CNTN6: variants seen among roughly 807,000 people sequenced by gnomAD.
The protein encoded by CNTN6 is contactin-6.
CNTN6 carries 137 observed loss-of-function variants against 122.8 expected under a neutral mutation model. The observed-to-expected ratio is 1.12, with a 90% CI of 0.97 to 1.29. CNTN6 has a LOEUF of 1.29. CNTN6 is among the 50% of genes most tolerant of loss of function. CNTN6 has a pLI of 0.00. For missense variants in CNTN6, 1,634 were observed against 1,223.4 expected (o/e 1.34, Z -5.01); for synonymous variants, 570 against 426.0 (o/e 1.34, Z -4.16).
rs192597863 is a variant in CNTN6 at position 1,303,814 on chromosome 3, G to C, written c.761+5823G>C. 1.5e-4 allele frequency among the ~76,000 whole-genome samples: 23 copies of C among 152,196 alleles called. No homozygotes were observed. In the East Asian group the frequency reaches 3.3e-3, roughly 22 times the overall value. On this transcript the variant is annotated intron_variant, in intron 7 of 22. Transcript: ENST00000446702. ...AAGCTTTTTGAACTTTATTTTGATA[G>C]GCAGTTGTTATACTACTGTGAATCC...
intron 11 of CNTN6, among the ~76,000 whole-genome samples, chr3:1,331,431 G>C (rs1702275928): frequency 6.6e-6 from 1 of 151,936 alleles, no homozygotes; most frequent in African/African-American, 2.4e-5. Flanking sequence ...CATAGGAACA[G>C]GTGCTTCAGA....
At chr3:1,268,133 G>T (rs1310004500) in intron 4 of CNTN6, among the ~76,000 whole-genome samples, 4 of 152,186 alleles carry the variant, frequency 2.6e-5, no homozygotes, top group Admixed American at 2.6e-4. Context: ...ATGAACATTT[G>T]CCAAAAGGCA....
At position 1,103,400 on chromosome 3, in the gene CNTN6, T is replaced by C. The variant is rs949726023; in HGVS notation, c.-83+10280T>C. Among the ~76,000 whole-genome samples, 6 of 152,306 alleles carry C rather than the reference T, an allele frequency of 3.9e-5. No homozygotes were observed. The East Asian group carries it at 1.2e-3, about 29-fold the overall frequency. On this transcript the variant is annotated intron_variant, in intron 1 of 22. Coordinates refer to ENST00000446702, the MANE Select transcript of CNTN6 (RefSeq NM_001289080.2). ...ATAATTTTTTCAGAGTTGCCGACTT[T>C]CCTTTTTTGTTGTCCCTTTGTGCAG...
At chr3:1,098,855 T>C (rs2090699053) in intron 1 of CNTN6, among the ~76,000 whole-genome samples, 1 of 143,266 alleles carries the variant, frequency 7.0e-6, no homozygotes, top group Admixed American at 7.4e-5. Flanking sequence ...GGATTAAATT[T>C]AATAATGACC....
intron 4 of CNTN6, among the ~76,000 whole-genome samples, chr3:1,233,503 A>G (rs933637064): frequency 2.6e-5 from 4 of 152,076 alleles, no homozygotes; most frequent in African/African-American, 9.7e-5. Flanking sequence ...TGGGAGGCCG[A>G]GGCGGGCGGA....
At chr3:1,332,136 C>T (rs532223461) in intron 11 of CNTN6, among the ~76,000 whole-genome samples, 1 of 152,048 alleles carries the variant, frequency 6.6e-6, no homozygotes, top group East Asian at 1.9e-4. Context: ...CAAATTATCT[C>T]CTTACTGTGC....
intron 4 of CNTN6, among the ~76,000 whole-genome samples, chr3:1,264,551 T>C (rs1233455885): frequency 1.3e-5 from 2 of 152,040 alleles, no homozygotes; most frequent in Non-Finnish European, 2.9e-5. Flanking sequence ...GCTTCATCTG[T>C]ATTTTTAAAA....
At chr3:1,395,469 C>A (rs140316592) in intron 20 of CNTN6, among the ~76,000 whole-genome samples, 2,099 of 152,016 alleles carry the variant, frequency 0.014, 35 homozygotes, top group Non-Finnish European at 0.016. Context: ...GGTTTGTGAC[C>A]CCTTCCTCCA....
chr3:1,213,235 T>G (rs960884997), intron 2 of CNTN6, among the ~76,000 whole-genome samples: 12 of 152,222 alleles, frequency 7.9e-5, no homozygotes, highest in Non-Finnish European at 1.3e-4. Flanking sequence ...TGAGTGAAAG[T>G]AAAGGAAAGC....
At chr3:1,257,735 C>A (rs991840138) in intron 4 of CNTN6, among the ~76,000 whole-genome samples, 1 of 152,170 alleles carries the variant, frequency 6.6e-6, no homozygotes, top group African/African-American at 2.4e-5. Flanking sequence ...AGAACACTAG[C>A]TGGTGAGAGC....
At chr3:1,270,991 C>G (rs186768662) in intron 4 of CNTN6, among the ~76,000 whole-genome samples, 1 of 152,154 alleles carries the variant, frequency 6.6e-6, no homozygotes, top group Admixed American at 6.5e-5. Context: ...CTCACTGCAA[C>G]CTCTGCTTCC....
chr3:1,119,323 G>GTGTGTGTGTGTGTGTGTGTA (rs926976709), intron 1 of CNTN6, among the ~76,000 whole-genome samples: 2 of 4,072 alleles, frequency 4.9e-4, no homozygotes, highest in Non-Finnish European at 8.1e-4. Context: ...CAGAAAAATC[G>GTGTGTGTGTGTGTGTGTGTA]TGTGTGTGTG....
intron 8 of CNTN6, among the ~76,000 whole-genome samples, chr3:1,325,227 A>G (rs1701367198): frequency 6.6e-6 from 1 of 151,886 alleles, no homozygotes; most frequent in East Asian, 1.9e-4. Context: ...ACCCAGAATT[A>G]AAGTAAGATA....
chr3:1,311,257 G>A (rs1399784269), intron 7 of CNTN6, among the ~76,000 whole-genome samples: 1 of 143,338 alleles, frequency 7.0e-6, no homozygotes, highest in South Asian at 2.2e-4. Flanking sequence ...ATATATATTT[G>A]TATATGTGTA....
At chr3:1,298,064 C>G in intron 7 of CNTN6, 73 bp downstream of exon 7, 12 of 1,036,534 alleles carry the variant, frequency 1.2e-5, no homozygotes, top group Non-Finnish European at 1.6e-5. Context: ...TTTTGTTATT[C>G]ATATATTGCT....
intron 1 of CNTN6, among the ~76,000 whole-genome samples, chr3:1,133,262 A>G (rs2092386625): frequency 6.6e-6 from 1 of 152,186 alleles, no homozygotes; most frequent in African/African-American, 2.4e-5. Context: ...AAGGAGATGG[A>G]CCAACATAAA....
At chr3:1,136,330 T>C (rs1223306745) in intron 1 of CNTN6, among the ~76,000 whole-genome samples, 2 of 152,148 alleles carry the variant, frequency 1.3e-5, no homozygotes, top group Non-Finnish European at 2.9e-5. Context: ...TTCTTGTCCA[T>C]GGCTCTTTCC....
intron 2 of CNTN6, among the ~76,000 whole-genome samples, chr3:1,218,037 C>T (rs1047997976): frequency 1.3e-5 from 2 of 152,102 alleles, no homozygotes; most frequent in Admixed American, 6.5e-5. Context: ...CATCCATGTG[C>T]ATGTGGAAGA....
At chr3:1,225,113 G>A (rs73109261) in intron 3 of CNTN6, among the ~76,000 whole-genome samples, 25,128 of 152,170 alleles carry the variant, frequency 0.17, 3,786 homozygotes, top group African/African-American at 0.4. Context: ...ACAAAGGGTC[G>A]AGATTTTAGT....
Sources: allele counts gnomAD v4.1 joint callset (sites outside exome capture counted in the v4.1 genomes callset), GRCh38; gene constraint gnomAD v4.1.1; transcripts MANE v1.5; gene names NCBI Gene and HGNC (gene_info 2026-07-23, HGNC 2026-07-21).